Variants in RABGAP1L observed in about 807,000 individuals in gnomAD.
RABGAP1L encodes RAB GTPase activating protein 1 like, also known as rab GTPase-activating protein 1-like.
In RABGAP1L, 63 loss-of-function variants were observed where a neutral mutation model predicts 137.7. The ratio of observed to expected loss-of-function variants is 0.46; its 90% confidence interval spans 0.37 to 0.56. The LOEUF (loss-of-function observed/expected upper bound fraction) is 0.56. Ranked by LOEUF, RABGAP1L falls within the 20% of genes least tolerant of loss-of-function variation. RABGAP1L has a pLI of 0.00. For synonymous variants in RABGAP1L, 431 were observed against 433.7 expected, an observed-to-expected ratio of 0.99 and a Z score of 0.08; for missense variants, 1,095 against 1,244.0, an observed-to-expected ratio of 0.88 and a Z score of 1.80.
chr1:174,749,758 C>A (rs1684190490), intron 17 of RABGAP1L, among the ~76,000 whole-genome samples: 1 of 152,136 alleles, frequency 6.6e-6, no homozygotes, highest in African/African-American at 2.4e-5. Flanking sequence ...GACTCTCAGC[C>A]AATCTCTTCA....
intron 7 of RABGAP1L, among the ~76,000 whole-genome samples, chr1:174,259,334 C>T (rs1487139624): frequency 2.6e-5 from 4 of 152,136 alleles, no homozygotes; most frequent in African/African-American, 9.7e-5. Context: ...CAGTGCCAGG[C>T]ACTGTTCTAG....
chr1:174,195,745 T>C (rs12086341), intron 1 of RABGAP1L, among the ~76,000 whole-genome samples: 17,864 of 127,448 alleles, frequency 0.14, 1,666 homozygotes, highest in Middle Eastern at 0.16. Context: ...CTTTCTTTCT[T>C]TCTTTCTCTC....
At chr1:174,172,143 C>CTTTTTT (rs375305871) in intron 1 of RABGAP1L, among the ~76,000 whole-genome samples, 3 of 120,830 alleles carry the variant, frequency 2.5e-5, no homozygotes, top group African/African-American at 8.8e-5. Flanking sequence ...ACAGTATCTC[C>CTTTTTT]TTTTTTTTTT....
chr1:174,374,348 G>A (rs752638572), intron 12 of RABGAP1L, among the ~76,000 whole-genome samples: 12 of 151,922 alleles, frequency 7.9e-5, no homozygotes, highest in South Asian at 6.2e-4. Context: ...ATAGTCTTCC[G>A]TTGTGGCCAC....
chr1:174,331,395 C>T (rs970870073), intron 11 of RABGAP1L, among the ~76,000 whole-genome samples: 1 of 152,156 alleles, frequency 6.6e-6, no homozygotes, highest in African/African-American at 2.4e-5. Context: ...GAAGAGACAG[C>T]CTATGACATT....
chr1:174,447,210 C>G (rs1199669052), intron 13 of RABGAP1L, among the ~76,000 whole-genome samples: 1 of 152,162 alleles, frequency 6.6e-6, no homozygotes, highest in African/African-American at 2.4e-5. Context: ...CTGCTTTCAT[C>G]TAAATGCTTT....
At chr1:174,783,228 A>T (rs1687159803) in intron 18 of RABGAP1L, among the ~76,000 whole-genome samples, 1 of 152,214 alleles carries the variant, frequency 6.6e-6, no homozygotes, top group African/African-American at 2.4e-5. Flanking sequence ...CTAAATGCCC[A>T]GGTTTGTCCT....
chr1:174,988,316 T>C (rs897001583), intron 24 of RABGAP1L, among the ~76,000 whole-genome samples: 3 of 152,210 alleles, frequency 2.0e-5, no homozygotes, highest in African/African-American at 7.2e-5. Flanking sequence ...AGTGAAATAC[T>C]ACAAGTAAAG....
intron 13 of RABGAP1L, among the ~76,000 whole-genome samples, chr1:174,635,287 C>G (rs1273505664): frequency 6.6e-6 from 1 of 152,136 alleles, no homozygotes; most frequent in African/African-American, 2.4e-5. Flanking sequence ...GGCCAATAGG[C>G]ACATATTTAC....
chr1:174,313,590 A>G (rs1679068899), intron 11 of RABGAP1L, among the ~76,000 whole-genome samples: 1 of 152,144 alleles, frequency 6.6e-6, no homozygotes. Flanking sequence ...GTTGTGTTCC[A>G]GATCTTAGAG....
chr1:174,622,259 C>A (rs1672562556), intron 13 of RABGAP1L, among the ~76,000 whole-genome samples: 1 of 152,166 alleles, frequency 6.6e-6, no homozygotes, highest in Non-Finnish European at 1.5e-5. Flanking sequence ...GTTGGTGGGA[C>A]TGTAAACTAG....
chr1:174,351,427 C>G (rs1304243010), intron 11 of RABGAP1L, among the ~76,000 whole-genome samples: 1 of 152,096 alleles, frequency 6.6e-6, no homozygotes, highest in Non-Finnish European at 1.5e-5. Context: ...TGTTGGAAGG[C>G]TATTTTCACT....
chr1:174,833,152 A>G (rs1000013708), intron 19 of RABGAP1L, among the ~76,000 whole-genome samples: 17 of 152,114 alleles, frequency 1.1e-4, no homozygotes, highest in African/African-American at 3.6e-4. Flanking sequence ...AAGGCAGTCA[A>G]AATTTAAAAG....
At chr1:174,295,872 A>C (rs1291316031) in intron 10 of RABGAP1L, among the ~76,000 whole-genome samples, 1 of 152,150 alleles carries the variant, frequency 6.6e-6, no homozygotes, top group Admixed American at 6.5e-5. Context: ...GATGTTTAGC[A>C]AGCAGTTGGA....
intron 11 of RABGAP1L, among the ~76,000 whole-genome samples, chr1:174,310,057 T>C (rs1195671376): frequency 6.6e-6 from 1 of 152,150 alleles, no homozygotes; most frequent in African/African-American, 2.4e-5. Context: ...ATTGGTTTGT[T>C]CAGATTTTCT....
intron 7 of RABGAP1L, among the ~76,000 whole-genome samples, chr1:174,271,519 G>GT (rs1674556454): frequency 6.6e-6 from 1 of 152,082 alleles, no homozygotes; most frequent in Non-Finnish European, 1.5e-5. Context: ...ACATTCTTGT[G>GT]TGTGGGTATG....
chr1:174,170,406 C>T (rs900282158), intron 1 of RABGAP1L, among the ~76,000 whole-genome samples: 2 of 151,948 alleles, frequency 1.3e-5, no homozygotes, highest in African/African-American at 2.4e-5. Context: ...AGCCAGGCGC[C>T]GTGGCTCATG....
At chr1:174,386,707 C>G (rs993654266) in intron 12 of RABGAP1L, among the ~76,000 whole-genome samples, 2 of 151,984 alleles carry the variant, frequency 1.3e-5, no homozygotes, top group Non-Finnish European at 2.9e-5. Flanking sequence ...CGGAGTTTCA[C>G]CATGTTGGCC....
At chr1:174,795,314 T>A (rs1558085815) in intron 18 of RABGAP1L, among the ~76,000 whole-genome samples, 1 of 152,162 alleles carries the variant, frequency 6.6e-6, no homozygotes, top group African/African-American at 2.4e-5. Context: ...TAAATTCCTC[T>A]TGTGAAGGTG....
Sources: allele counts gnomAD v4.1 joint callset (sites outside exome capture counted in the v4.1 genomes callset), GRCh38; gene constraint gnomAD v4.1.1; transcripts MANE v1.5; gene names NCBI Gene and HGNC (gene_info 2026-07-23, HGNC 2026-07-21).